Variants in ATP2C2 observed in about 807,000 individuals in gnomAD.
ATP2C2 encodes ATPase secretory pathway Ca2+ transporting 2.
ATP2C2 carries 171 observed loss-of-function variants against 110.8 expected under a neutral mutation model. The observed-to-expected ratio is 1.54, with a 90% CI of 1.36 to 1.75. The LOEUF (loss-of-function observed/expected upper bound fraction) is 1.75. ATP2C2 is among the 40% of genes most tolerant of loss of function. The pLI is 0.00. For synonymous variants in ATP2C2, 804 were observed against 508.4 expected (o/e 1.58, Z -7.82); for missense variants, 1,963 against 1,235.0 (o/e 1.59, Z -8.84).
At chr16:84,404,128 A>G (rs551169346) in intron 2 of ATP2C2, among the ~76,000 whole-genome samples, 65 of 152,322 alleles carry the variant, frequency 4.3e-4, no homozygotes, top group Middle Eastern at 3.4e-3. Context: ...CTCTCCAGGA[A>G]TATCCCCACG....
intron 3 of ATP2C2, 37 bp downstream of exon 3, chr16:84,405,281 A>G: frequency 6.4e-7 from 1 of 1,550,768 alleles, no homozygotes; most frequent in South Asian, 1.1e-5. Flanking sequence ...ATTAACATGC[A>G]TAAGCCAGCG....
In ATP2C2 at chr16:84,390,059, C is replaced by T. The variant is rs555914304; in HGVS notation, c.100-8440C>T. Among the ~76,000 whole-genome samples, 90 of 152,284 alleles carry T rather than the reference C, an allele frequency of 5.9e-4. 2 individuals carry two copies. The South Asian group carries it at 0.016, about 28-fold the overall frequency. On this transcript the variant is annotated intron_variant, in intron 1 of 26. Coordinates refer to ENST00000262429, the MANE Select transcript of ATP2C2 (RefSeq NM_014861.4). ...TATCCCACGGCAGCCCTGTGGACCC[C>T]GGCTGTTATACCCTTAGCCCCCCAC... is the stretch of plus-strand genomic sequence containing the variant.
At chr16:84,455,072 G>T (rs907472318) in intron 21 of ATP2C2, 88 bp downstream of exon 21, 50 of 1,524,678 alleles carry the variant, frequency 3.3e-5, no homozygotes, top group Non-Finnish European at 4.3e-5. Flanking sequence ...GGAGATAGAG[G>T]GGGGGGTCTC....
At chr16:84,371,238 C>T (rs150717529) in intron 1 of ATP2C2, among the ~76,000 whole-genome samples, 8 of 152,260 alleles carry the variant, frequency 5.3e-5, no homozygotes, top group East Asian at 1.9e-4. Context: ...GTGTTTGAGC[C>T]GGGCGCAGTG....
At chr16:84,388,167 A>G (rs1023765428) in intron 1 of ATP2C2, among the ~76,000 whole-genome samples, 13 of 152,252 alleles carry the variant, frequency 8.5e-5, no homozygotes, top group Middle Eastern at 3.4e-3. Flanking sequence ...TCTACTAAAA[A>G]TACAAAAATT....
intron 10 of ATP2C2, among the ~76,000 whole-genome samples, chr16:84,425,189 C>T (rs572898924): frequency 6.6e-6 from 1 of 152,208 alleles, no homozygotes; most frequent in East Asian, 1.9e-4. Context: ...AAGGGTGTCA[C>T]CTGGCAACAC....
intron 20 of ATP2C2, among the ~76,000 whole-genome samples, chr16:84,454,545 C>G (rs373485247): frequency 1.8e-4 from 27 of 152,250 alleles, no homozygotes; most frequent in Non-Finnish European, 3.5e-4. Context: ...CTTTACTGAC[C>G]GTGCTGGGCA....
chr16:84,461,773 G>A lies in ATP2C2; in HGVS notation c.2541G>A (p.Val847=). The change falls in exon 25 of 27, where the codon GTG becomes GTA. Residue 847 remains valine (V), a synonymous_variant. Transcript: ENST00000262429. ...RTTTMTFTCF[V]FFDLFNALTC... is the part of the protein sequence containing the mutation. Reference sequence around the variant, plus strand: ...CGACGATGACGTTCACTTGTTTTGTGTTTTTCGATCTCTTCAACGCCTTGA... The same window carrying A: ...CGACGATGACGTTCACTTGTTTTGTATTTTTCGATCTCTTCAACGCCTTGA... 6.2e-7 allele frequency: 1 copy of A among 1,614,200 alleles called. No homozygotes were observed. Among genetic ancestry groups the A allele is most frequent in the Non-Finnish European group, 8.5e-7 (1 of 1,180,022 alleles).
intron 15 of ATP2C2, among the ~76,000 whole-genome samples, chr16:84,444,187 A>G (rs1909538028): frequency 6.8e-6 from 1 of 147,484 alleles, no homozygotes; most frequent in East Asian, 2.1e-4. Flanking sequence ...AAAAAAAACA[A>G]AAAGATTGGG....
chr16:84,461,270 G>C (rs1406579712), intron 24 of ATP2C2: 1 of 283,308 alleles, frequency 3.5e-6, no homozygotes, highest in Non-Finnish European at 6.7e-6. Context: ...GGTGACCCAT[G>C]TGACCACACC....
chr16:84,439,272 C>T lies in ATP2C2; in HGVS notation c.1093C>T (p.Pro365Ser). The T allele has an allele frequency of 6.2e-7, 1 of 1,612,750 alleles. No homozygotes were observed. Among genetic ancestry groups the T allele is most frequent in the Non-Finnish European group, 8.5e-7 (1 of 1,180,022 alleles). ...AKKRVIVKKLPIVETLGCCSV... is the reference protein window; with the variant it reads ...AKKRVIVKKLSIVETLGCCSV... ...GAAGCGGGTCATCGTGAAGAAGTTA[C>T]CCATCGTGGAGACTTTAGGTGAGGG... is the stretch of plus-strand genomic sequence containing the variant. Residue 365 changes from proline (P) to serine (S), a missense_variant, in exon 12 of 27, where the codon CCC becomes TCC. By Grantham distance (74) the Pro-to-Ser change is moderately conservative. Transcript: ENST00000262429.
intron 1 of ATP2C2, among the ~76,000 whole-genome samples, chr16:84,380,085 G>A (rs977551493): frequency 1.3e-5 from 2 of 152,128 alleles, no homozygotes; most frequent in African/African-American, 4.8e-5. Flanking sequence ...GGAGCCTACA[G>A]CCTGACCTGC....
chr16:84,430,938 G>T (rs1300712660), intron 11 of ATP2C2, among the ~76,000 whole-genome samples: 1 of 152,090 alleles, frequency 6.6e-6, no homozygotes, highest in Non-Finnish European at 1.5e-5. Context: ...GGACTCTGCT[G>T]CCAGCCACTG....
At chr16:84,451,281 C>T (rs1910235464) in intron 17 of ATP2C2, among the ~76,000 whole-genome samples, 1 of 152,138 alleles carries the variant, frequency 6.6e-6, no homozygotes, top group Non-Finnish European at 1.5e-5. Context: ...TCAATTATCT[C>T]CCACTGGGTC....
At chr16:84,369,252 T>C (rs1909811242) in intron 1 of ATP2C2, among the ~76,000 whole-genome samples, 1 of 152,182 alleles carries the variant, frequency 6.6e-6, no homozygotes, top group Non-Finnish European at 1.5e-5. Flanking sequence ...CTTTGCAACC[T>C]TCAGGGACCC....
rs141145242 is a variant in ATP2C2, at chr16:84,429,694, G to A, written c.986+3893G>A. Among the ~76,000 whole-genome samples, 6 of 152,314 alleles carry A rather than the reference G, an allele frequency of 3.9e-5. No individual in the cohort carries two copies. In the East Asian group the frequency reaches 7.7e-4, roughly 20 times the overall value. ...AGAGCTGGGAAGAGAGGCAGAGGCA[G>A]GTGGGAGAGGGAGCGTGAAGCTGAG... On this transcript the variant is annotated intron_variant, in intron 11 of 26. Coordinates refer to ENST00000262429, the MANE Select transcript of ATP2C2 (RefSeq NM_014861.4).
At chr16:84,419,360 T>G (rs1244830101) in intron 7 of ATP2C2, among the ~76,000 whole-genome samples, 2 of 152,078 alleles carry the variant, frequency 1.3e-5, no homozygotes, top group Non-Finnish European at 2.9e-5. Context: ...CACCACTGCT[T>G]CTGTTACATC....
chr16:84,409,661 TTTTGCTAA>T, intron 4 of ATP2C2, among the ~76,000 whole-genome samples: 1 of 152,000 alleles, frequency 6.6e-6, no homozygotes, highest in African/African-American at 2.4e-5. Flanking sequence ...CCTGGTTAAT[TTTTGCTAA>T]TTTTTATATT....
intron 26 of ATP2C2, chr16:84,462,436 G>A (rs535855821): frequency 3.3e-6 from 1 of 305,886 alleles, no homozygotes; most frequent in Admixed American, 4.3e-5. Flanking sequence ...AGGAAGGAGG[G>A]AGCAAGGCCT....
Sources: gnomAD v4.1 joint callset for allele counts (sites outside exome capture counted in the v4.1 genomes callset) on GRCh38, gnomAD v4.1.1 for gene constraint, MANE v1.5 for transcripts, NCBI Gene and HGNC (gene_info 2026-07-23, HGNC 2026-07-21) for gene names.